The following DIS3L variants were observed in gnomAD, a reference collection of about 807,000 sequenced individuals.
The protein encoded by DIS3L is DIS3-like exonuclease 1.
DIS3L carries 100 observed loss-of-function variants against 120.3 expected under a neutral mutation model. That is an observed-to-expected ratio of 0.83 (90% CI 0.71 to 0.98). The LOEUF is 0.98. DIS3L is among the 50% of genes least tolerant of loss of function. The pLI is 0.00. For missense variants in DIS3L, 1,196 were observed against 1,314.2 expected (o/e 0.91, Z 1.39); for synonymous variants, 426 against 470.6 (o/e 0.91, Z 1.23).
intron 2 of DIS3L, among the ~76,000 whole-genome samples, chr15:66,306,271 TGTTA>T (rs2092701729): frequency 6.6e-6 from 1 of 152,220 alleles, no homozygotes; most frequent in African/African-American, 2.4e-5. Context: ...TAAAACTTTC[TGTTA>T]GTTGTCTGAC....
intron 12 of DIS3L, 122 bp downstream of exon 12, chr15:66,326,486 TCTC>T (rs2140404360): frequency 3.5e-6 from 4 of 1,126,984 alleles, no homozygotes; most frequent in Middle Eastern, 3.0e-4. Flanking sequence ...GATTCTTGGC[TCTC>T]CTCATTTTTG....
At chr15:66,321,303 GCA>G (rs776647410) in intron 9 of DIS3L, among the ~76,000 whole-genome samples, 2 of 152,074 alleles carry the variant, frequency 1.3e-5, no homozygotes, top group Non-Finnish European at 2.9e-5. Context: ...TTCATTGTGT[GCA>G]CACACTAATT....
At position 66,320,441 on chromosome 15, in the gene DIS3L, T is replaced by TA. The variant is rs1022093745; in HGVS notation, c.1165-129dup. On this transcript the variant is annotated intron_variant, in intron 8 of 16. Coordinates refer to ENST00000319212, the MANE Select transcript of DIS3L (RefSeq NM_001143688.3). Reference sequence around the variant, plus strand: ...GAAAAACAAAAAAAAAACCCTACCATACACCACTATTTGCACCTGGCCACT... The same window carrying TA: ...GAAAAACAAAAAAAAAACCCTACCATAACACCACTATTTGCACCTGGCCACT... 4.1e-5 allele frequency: 38 copies of TA among 932,128 alleles called. No individual in the cohort carries two copies. In the African/African-American group the frequency reaches 6.0e-4, roughly 15 times the overall value. 57.7% of individuals were successfully genotyped at this position (932,128 alleles called of 1,614,324 possible). A position where few individuals can be genotyped will look rare whatever the true frequency, so the allele number is the denominator to read the frequency against.
chr15:66,319,627 T>C (rs975547023), intron 8 of DIS3L, among the ~76,000 whole-genome samples: 5 of 152,214 alleles, frequency 3.3e-5, no homozygotes, highest in African/African-American at 9.6e-5. Context: ...TTACAGTTTG[T>C]AAATGAGACA....
At chr15:66,294,021 C>T (rs910864163) in intron 1 of DIS3L, 2 of 988,480 alleles carry the variant, frequency 2.0e-6, no homozygotes, top group Non-Finnish European at 2.4e-6. Context: ...TGGTTTGGCT[C>T]CTCAGAGGGG....
intron 2 of DIS3L, among the ~76,000 whole-genome samples, chr15:66,298,425 A>G (rs1814423823): frequency 6.6e-6 from 1 of 152,240 alleles, no homozygotes. Flanking sequence ...GTACTTTAAT[A>G]CAACCCTAGT....
Position 66,293,640 on chromosome 15 carries a change from A to G in DIS3L, c.44A>G (p.Gln15Arg). Residue 15 changes from glutamine (Q) to arginine (R), a missense_variant, in exon 1 of 17, where the codon CAG becomes CGG. Gln to Arg is a conservative substitution (Grantham distance 43). Coordinates refer to ENST00000319212, the MANE Select transcript of DIS3L (RefSeq NM_001143688.3). ...REKVLLLRTF[Q>R]GRTLRIVREH... ...AAGGTGCTGCTGCTGAGGACCTTCC[A>G]GGGCCGCACGCTGCGGATCGTGCGC... 2 of 1,441,052 alleles carry G rather than the reference A, an allele frequency of 1.4e-6. No individual in the cohort carries two copies. The highest frequency in any genetic ancestry group is 1.8e-6 in the Non-Finnish European group (2 of 1,098,268). The allele number at this position is 1,441,052 out of a possible 1,614,324, so 89.3% of individuals were successfully genotyped here. A position where few individuals can be genotyped will look rare whatever the true frequency, so the allele number is the denominator to read the frequency against.
At chr15:66,293,830 G>T (rs2092551425) in intron 1 of DIS3L, 95 bp downstream of exon 1, 5 of 1,037,936 alleles carry the variant, frequency 4.8e-6, no homozygotes, top group Non-Finnish European at 5.8e-6. Context: ...GCCAGCGGCG[G>T]GGACACGGAG....
intron 2 of DIS3L, among the ~76,000 whole-genome samples, chr15:66,303,587 A>T (rs2092669929): frequency 6.6e-6 from 1 of 152,228 alleles, no homozygotes; most frequent in East Asian, 1.9e-4. Flanking sequence ...TGCACAAAAT[A>T]TGATGGTAGG....
intron 5 of DIS3L, among the ~76,000 whole-genome samples, chr15:66,312,946 A>G (rs540143662): frequency 6.6e-6 from 1 of 152,286 alleles, no homozygotes; most frequent in South Asian, 2.1e-4. Flanking sequence ...AGTAAAGTTT[A>G]TGGCATTCCT....
intron 10 of DIS3L, 73 bp downstream of exon 10, chr15:66,323,007 G>GC: frequency 6.4e-7 from 1 of 1,561,048 alleles, no homozygotes; most frequent in Non-Finnish European, 8.7e-7. Context: ...CTAGTTTCAG[G>GC]TGTTCAAAGA....
intron 7 of DIS3L, among the ~76,000 whole-genome samples, chr15:66,316,337 T>G (rs2092817008): frequency 6.6e-6 from 1 of 151,942 alleles, no homozygotes; most frequent in South Asian, 2.1e-4. Context: ...CAGTAAATGC[T>G]GGCAACTCCA....
chr15:66,321,809 G>A (rs918845352), intron 9 of DIS3L, among the ~76,000 whole-genome samples: 4 of 150,800 alleles, frequency 2.7e-5, no homozygotes, highest in Non-Finnish European at 4.4e-5. Flanking sequence ...TATAAACACC[G>A]CTTTTTAATT....
chr15:66,333,136 G>A lies in DIS3L; in HGVS notation c.2989G>A (p.Val997Met). ...TTCCCCCTTGCTGAAGAGTGAGTTA[G>A]TGAAAGAAGTAACTAAATCTGTGGA... ...QSSPLLKSEL[V>M]KEVTKSVEEA... Residue 997 changes from valine to methionine, a missense_variant, in exon 17 of 17, where the codon GTG becomes ATG. Coordinates refer to ENST00000319212, the MANE Select transcript of DIS3L (RefSeq NM_001143688.3). 6.2e-7 allele frequency: 1 copy of A among 1,613,670 alleles called. No homozygotes were observed. Among genetic ancestry groups the A allele is most frequent in the Non-Finnish European group, 8.5e-7 (1 of 1,180,036 alleles).
At chr15:66,326,979 G>C (rs2092945795) in intron 12 of DIS3L, among the ~76,000 whole-genome samples, 1 of 151,502 alleles carries the variant, frequency 6.6e-6, no homozygotes, top group Non-Finnish European at 1.5e-5. Context: ...ATCCAGGCTG[G>C]AGTGCAGTGG....
intron 14 of DIS3L, chr15:66,329,634 C>A: frequency 8.2e-7 from 1 of 1,214,522 alleles, no homozygotes; most frequent in Non-Finnish European, 1.0e-6. Flanking sequence ...AAGATTCAAG[C>A]AACGCATAAA....
intron 8 of DIS3L, among the ~76,000 whole-genome samples, chr15:66,319,744 A>G (rs1204209424): frequency 6.6e-6 from 1 of 152,030 alleles, no homozygotes; most frequent in Non-Finnish European, 1.5e-5. Context: ...TTCCATTCCC[A>G]TGGTTTGCTG....
chr15:66,299,479 G>A (rs1055257164), intron 2 of DIS3L, among the ~76,000 whole-genome samples: 2 of 151,180 alleles, frequency 1.3e-5, no homozygotes, highest in Non-Finnish European at 2.9e-5. Flanking sequence ...TTGGGAGGCG[G>A]AGGTTGCAGT....
intron 12 of DIS3L, among the ~76,000 whole-genome samples, chr15:66,326,926 G>A (rs928112503): frequency 2.0e-5 from 3 of 149,766 alleles, no homozygotes; most frequent in South Asian, 2.1e-4. Context: ...TTTTTTGTTC[G>A]GTTGGTTTTT....
Sources: allele counts gnomAD v4.1 joint callset (sites outside exome capture counted in the v4.1 genomes callset), GRCh38; gene constraint gnomAD v4.1.1; transcripts MANE v1.5; gene names NCBI Gene and HGNC (gene_info 2026-07-23, HGNC 2026-07-21).